FOLH1: variants seen among roughly 807,000 people sequenced by gnomAD.
The protein encoded by FOLH1 is glutamate carboxypeptidase 2.
FOLH1 carries 54 observed loss-of-function variants against 93.9 expected under a neutral mutation model. The observed-to-expected ratio is 0.57, with a 90% CI of 0.46 to 0.72. The LOEUF is 0.72. Ranked by LOEUF, FOLH1 falls within the 30% of genes least tolerant of loss-of-function variation. The pLI is 0.00. For synonymous variants in FOLH1, 249 were observed against 303.6 expected (o/e 0.82, Z 1.87); for missense variants, 571 against 892.5 (o/e 0.64, Z 4.59).
At chr11:49,155,922 A>G (rs1446149970) in intron 15 of FOLH1, among the ~76,000 whole-genome samples, 1 of 148,478 alleles carries the variant, frequency 6.7e-6, no homozygotes, top group East Asian at 2.0e-4. Context: ...TCCCCACCCA[A>G]ATCTCACCTT....
rs1332557596 is a variant in FOLH1 at position 49,159,011 on chromosome 11, C to G, written c.1441-968G>C. Among the ~76,000 whole-genome samples the G allele has an allele frequency of 2.6e-5, 4 of 152,160 alleles. No homozygotes were observed. In the East Asian group the frequency reaches 7.7e-4, roughly 29 times the overall value. ...TCCTGAGACTGCTATAGTTGCTTAT[C>G]AGCTTAAGGAGCTTTTGGGCTTTGA... On this transcript the variant is annotated intron_variant, in intron 13 of 18. Transcript: ENST00000256999.
rs184643713 is a variant in FOLH1 at position 49,187,041 on chromosome 11, C to G, written c.514-272G>C. ...AAGCTGAAGCTACAGAAGCACCCCCCCCACACACACACAGAAAAGCATATA... is the reference window on the plus strand; with the variant it reads ...AAGCTGAAGCTACAGAAGCACCCCCGCCACACACACACAGAAAAGCATATA... On this transcript the variant is annotated intron_variant, in intron 4 of 18. Coordinates refer to ENST00000256999, the MANE Select transcript of FOLH1 (RefSeq NM_004476.3). 9.6e-4 allele frequency among the ~76,000 whole-genome samples: 145 copies of G among 151,126 alleles called. 4 individuals carry two copies. In the East Asian group the frequency reaches 0.024, roughly 25 times the overall value.
chr11:49,176,347 A>G (rs1860040041), intron 7 of FOLH1, among the ~76,000 whole-genome samples: 1 of 152,208 alleles, frequency 6.6e-6, no homozygotes, highest in East Asian at 1.9e-4. Context: ...TCACTGGTAT[A>G]TAGTTATTTT....
intron 7 of FOLH1, among the ~76,000 whole-genome samples, chr11:49,181,539 T>G (rs1363063018): frequency 6.6e-6 from 1 of 152,170 alleles, no homozygotes; most frequent in Non-Finnish European, 1.5e-5. Context: ...TATAATATCT[T>G]TTAATCACTT....
intron 18 of FOLH1, among the ~76,000 whole-genome samples, chr11:49,148,326 C>A (rs1267885138): frequency 6.6e-6 from 1 of 151,148 alleles, no homozygotes; most frequent in African/African-American, 2.4e-5. Flanking sequence ...CAGAATATAA[C>A]AATGATTTTA....
At chr11:49,178,466 A>T (rs36035482) in intron 7 of FOLH1, among the ~76,000 whole-genome samples, 2 of 152,206 alleles carry the variant, frequency 1.3e-5, no homozygotes, top group Non-Finnish European at 2.9e-5. Context: ...ACAATATAAA[A>T]CCACGATTGT....
At chr11:49,201,357 T>C (rs894292198) in intron 2 of FOLH1, among the ~76,000 whole-genome samples, 15 of 150,584 alleles carry the variant, frequency 1.0e-4, no homozygotes, top group African/African-American at 2.9e-4. Context: ...TCCATCCTTA[T>C]GGTGATTTAA....
In FOLH1 at chr11:49,180,088, T is replaced by C. The variant is rs146579382; in HGVS notation, c.920+3061A>G. ...TCATTGAGTAGAGAGTAAGTAGTGT[T>C]TACCAAAGTGTCTTTTGCATCAGAC... On this transcript the variant is annotated intron_variant, in intron 7 of 18. Transcript: ENST00000256999. 1.0e-2 allele frequency among the ~76,000 whole-genome samples: 1,521 copies of C among 152,326 alleles called. 24 individuals carry two copies. Among genetic ancestry groups the C allele is most frequent in the African/African-American group, 0.034 (1,432 of 41,570 alleles).
intron 8 of FOLH1, among the ~76,000 whole-genome samples, chr11:49,175,523 ACACTCTGC>A (rs1415638410): frequency 6.6e-6 from 1 of 152,158 alleles, no homozygotes; most frequent in Non-Finnish European, 1.5e-5. Context: ...AGAGAAACTT[ACACTCTGC>A]TCTTGTGGGG....
chr11:49,173,265 A>G (rs982806051), intron 10 of FOLH1, 92 bp downstream of exon 10: 13 of 1,283,930 alleles, frequency 1.0e-5, no homozygotes, highest in Non-Finnish European at 1.4e-5. Flanking sequence ...AACACATGTA[A>G]TGGTTGAGGT....
chr11:49,189,248 G>A (rs183645627), intron 4 of FOLH1, among the ~76,000 whole-genome samples: 24 of 152,238 alleles, frequency 1.6e-4, no homozygotes, highest in African/African-American at 5.3e-4. Flanking sequence ...CTTGCCTTTC[G>A]AAAGTCTTTA....
At position 49,185,365 on chromosome 11, in the gene FOLH1, C is replaced by T. The variant is rs1014086661; in HGVS notation, c.826+304G>A. Among the ~76,000 whole-genome samples, 112 of 152,232 alleles carry T rather than the reference C, an allele frequency of 7.4e-4. 1 individual carries two copies. The highest frequency in any genetic ancestry group is 2.6e-3 in the African/African-American group (109 of 41,544). On this transcript the variant is annotated intron_variant, in intron 6 of 18. Coordinates refer to ENST00000256999, the MANE Select transcript of FOLH1 (RefSeq NM_004476.3). ...ACTCTGCAACAAAAATATTTATATA[C>T]TTTTTCCCCATATTCTGTCCCAGCC...
rs1860974058 is a variant in FOLH1, at chr11:49,183,143, A to T, written c.920+6T>A. ...AATAGCCATCCATGGTTTCTTACAA[A>T]CTTACTCTAGGAGCTTCTGTGCATC... On this transcript the variant is annotated splice_donor_region_variant and intron_variant, in intron 7 of 18. Coordinates refer to ENST00000256999, the MANE Select transcript of FOLH1 (RefSeq NM_004476.3). 1 of 1,592,984 alleles carries T rather than the reference A, an allele frequency of 6.3e-7. No homozygotes were observed. The highest frequency in any genetic ancestry group is 1.8e-5 in the Admixed American group (1 of 55,826).
intron 5 of FOLH1, chr11:49,186,089 C>A: frequency 1.5e-6 from 1 of 659,432 alleles, no homozygotes; most frequent in East Asian, 4.1e-5. Context: ...TGGTAGTGAG[C>A]ATTTGCTATT....
At chr11:49,176,251 T>C (rs997822119) in intron 7 of FOLH1, among the ~76,000 whole-genome samples, 4 of 152,184 alleles carry the variant, frequency 2.6e-5, no homozygotes, top group Non-Finnish European at 2.9e-5. Flanking sequence ...CAGTATCTAG[T>C]AGTAAATCTA....
At position 49,165,756 on chromosome 11, in the gene FOLH1, A is replaced by G. The variant is rs556578277; in HGVS notation, c.1373-984T>C. Among the ~76,000 whole-genome samples the G allele has an allele frequency of 2.0e-5, 3 of 152,366 alleles. No individual in the cohort carries two copies. The South Asian group carries it at 6.2e-4, about 32-fold the overall frequency. On this transcript the variant is annotated intron_variant, in intron 12 of 18. Transcript: ENST00000256999. Reference sequence around the variant, plus strand: ...CGGATCCATGTTTGAGAACAGCAAAAGTTGAGGCTTTTAAAATAGTGACAC... The same window carrying G: ...CGGATCCATGTTTGAGAACAGCAAAGGTTGAGGCTTTTAAAATAGTGACAC...
intron 13 of FOLH1, among the ~76,000 whole-genome samples, chr11:49,160,455 T>C (rs142067264): frequency 1.8e-4 from 27 of 152,196 alleles, no homozygotes; most frequent in Admixed American, 3.9e-4. Context: ...TTTTTTCTTT[T>C]TTTTTGAGAC....
chr11:49,153,938 A>C lies in FOLH1; in HGVS notation c.1889-11T>G. On this transcript the variant is annotated splice_polypyrimidine_tract_variant and intron_variant, in intron 16 of 18. Coordinates refer to ENST00000256999, the MANE Select transcript of FOLH1 (RefSeq NM_004476.3). ...CAGAAAAAAGTGAATCTGAAATAGA[A>C]ATTGGGATCATCAAATGCTTAAAGA... The C allele has an allele frequency of 6.3e-7, 1 of 1,592,812 alleles. No homozygotes were observed. Among genetic ancestry groups the C allele is most frequent in the Non-Finnish European group, 8.6e-7 (1 of 1,168,860 alleles).
rs1235836397 is a variant in FOLH1 at position 49,145,756 on chromosome 11, T to G, written c.*1000A>C. Among the ~76,000 whole-genome samples the G allele has an allele frequency of 6.6e-6, 1 of 152,168 alleles. No individual in the cohort carries two copies. Among genetic ancestry groups the G allele is most frequent in the African/African-American group, 2.4e-5 (1 of 41,446 alleles). On this transcript the variant is annotated 3_prime_UTR_variant, in exon 19 of 19. Coordinates refer to ENST00000256999, the MANE Select transcript of FOLH1 (RefSeq NM_004476.3). ...CTCTTTACATATTACTAGACAATAT[T>G]TCATTGTTCCAATGCTGTAACAATT...
Sources: allele counts gnomAD v4.1 joint callset (sites outside exome capture counted in the v4.1 genomes callset), GRCh38; gene constraint gnomAD v4.1.1; transcripts MANE v1.5; gene names NCBI Gene and HGNC (gene_info 2026-07-23, HGNC 2026-07-21).